Variants in LIMA1 observed in about 807,000 individuals in gnomAD.
LIMA1 encodes the protein LIM domain and actin-binding protein 1.
LIMA1 carries 52 observed loss-of-function variants against 62.6 expected under a neutral mutation model. The observed-to-expected ratio is 0.83, with a 90% confidence interval of 0.67 to 1.05. The LOEUF (loss-of-function observed/expected upper bound fraction) is 1.05, where lower values mean the gene tolerates loss of function less well. Among genes scored for constraint, LIMA1 ranks in the 50% least tolerant of loss-of-function variants. The pLI is 0.00. For missense variants in LIMA1, 780 were observed against 902.2 expected (o/e 0.86, Z 1.74); for synonymous variants, 302 against 317.8 (o/e 0.95, Z 0.53).
chr12:50,232,373 CTTT>C (rs112911088), intron 2 of LIMA1, among the ~76,000 whole-genome samples: 2 of 137,098 alleles, frequency 1.5e-5, no homozygotes, highest in Non-Finnish European at 3.2e-5. Flanking sequence ...TTTCTTTTTT[CTTT>C]TTTTTTTTTT....
chr12:50,223,973 G>A (rs1414648672), intron 3 of LIMA1, among the ~76,000 whole-genome samples: 1 of 152,106 alleles, frequency 6.6e-6, no homozygotes, highest in East Asian at 1.9e-4. Context: ...GGGAGGCGGA[G>A]GTTGCAGTGA....
At chr12:50,195,533 T>C (rs1441367040) in intron 8 of LIMA1, 1 of 261,886 alleles carries the variant, frequency 3.8e-6, no homozygotes, top group Non-Finnish European at 7.1e-6. Context: ...AAAATGAAAC[T>C]TCAAAATTAG....
intron 4 of LIMA1, among the ~76,000 whole-genome samples, chr12:50,207,069 C>G (rs1324698716): frequency 6.6e-6 from 1 of 151,990 alleles, no homozygotes; most frequent in African/African-American, 2.4e-5. Context: ...GGATTACAGG[C>G]GCCTGCCACC....
At position 50,222,274 on chromosome 12, in the gene LIMA1, G is replaced by A. The variant is rs1941456391; in HGVS notation, c.377C>T (p.Pro126Leu). 1 of 1,614,132 alleles carries A rather than the reference G, an allele frequency of 6.2e-7. No homozygotes were observed. The highest frequency in any genetic ancestry group is 1.3e-5 in the African/African-American group (1 of 75,020). Residue 126 changes from proline (P) to leucine (L), a missense_variant, in exon 4 of 11, where the codon CCC becomes CTC. Coordinates refer to ENST00000341247, the MANE Select transcript of LIMA1 (RefSeq NM_016357.5). ...AGGAGGTGACCTGAGTCTAGATCTGGGGTGGATTTGTTCTTCTTGGTCAGC... is the reference window on the plus strand; with the variant it reads ...AGGAGGTGACCTGAGTCTAGATCTGAGGTGGATTTGTTCTTCTTGGTCAGC... ...AKADQEEQIH[P>L]RSRLRSPPEA...
At chr12:50,178,966 A>ATTTTTTTTTTTTTTTTT (rs1555203081) in intron 10 of LIMA1, among the ~76,000 whole-genome samples, 6 of 128,956 alleles carry the variant, frequency 4.7e-5, no homozygotes, top group Non-Finnish European at 7.0e-5. Flanking sequence ...ATATATATAT[A>ATTTTTTTTTTTTTTTTT]TTTTTTTTTT....
intron 1 of LIMA1, among the ~76,000 whole-genome samples, chr12:50,271,210 G>A (rs987116076): frequency 2.0e-5 from 3 of 152,214 alleles, no homozygotes; most frequent in Non-Finnish European, 2.9e-5. Flanking sequence ...GTTTGAGGCT[G>A]CAGTGAGCCG....
intron 2 of LIMA1, among the ~76,000 whole-genome samples, chr12:50,238,497 ACT>A (rs1941728326): frequency 6.7e-6 from 1 of 148,746 alleles, no homozygotes. Context: ...ACAAAGCAAG[ACT>A]CTGTCTCAAA....
chr12:50,282,687 A>T (rs904621785), intron 1 of LIMA1, among the ~76,000 whole-genome samples: 1 of 152,234 alleles, frequency 6.6e-6, no homozygotes, highest in African/African-American at 2.4e-5. Flanking sequence ...TGAAAGCTGG[A>T]ATTAGGTGCA....
At position 50,206,077 on chromosome 12, in the gene LIMA1, C is replaced by T. The variant is rs758078792; in HGVS notation, c.631-9G>A. ...CTTTGGGCCCGGAGAATCTGGAAAA[C>T]GAAACCCAACGATAAGTTTTGCAGA... On this transcript the variant is annotated splice_polypyrimidine_tract_variant and intron_variant, in intron 4 of 10. Coordinates refer to ENST00000341247, the MANE Select transcript of LIMA1 (RefSeq NM_016357.5). 15 of 1,609,466 alleles carry T rather than the reference C, an allele frequency of 9.3e-6. No individual in the cohort carries two copies. Among genetic ancestry groups the T allele is most frequent in the Admixed American group, 5.0e-5 (3 of 59,892 alleles).
At position 50,227,363 on chromosome 12, in the gene LIMA1, C is replaced by T. The variant is rs372804948; in HGVS notation, c.165+4302G>A. Among the ~76,000 whole-genome samples, 6 of 151,600 alleles carry T rather than the reference C, an allele frequency of 4.0e-5. No homozygotes were observed. In the East Asian group the frequency reaches 9.7e-4, roughly 25 times the overall value. On this transcript the variant is annotated intron_variant, in intron 3 of 10. Transcript: ENST00000341247. Reference sequence around the variant, plus strand: ...AAGCAATTCTCCTGCCTCAGTCTCCCGAGTAGCTGGGATTACAGGCGTGAG... The same window carrying T: ...AAGCAATTCTCCTGCCTCAGTCTCCTGAGTAGCTGGGATTACAGGCGTGAG...
At chr12:50,280,519 T>A (rs56220638) in intron 1 of LIMA1, among the ~76,000 whole-genome samples, 1 of 152,190 alleles carries the variant, frequency 6.6e-6, no homozygotes, top group Non-Finnish European at 1.5e-5. Context: ...ATTTTCATGG[T>A]ATCATGTTAA....
chr12:50,233,334 A>G (rs1941640804), intron 2 of LIMA1, among the ~76,000 whole-genome samples: 1 of 149,784 alleles, frequency 6.7e-6, no homozygotes, highest in South Asian at 2.1e-4. Context: ...ACATTTTGAA[A>G]TTAGTTAAGT....
At chr12:50,231,233 C>T (rs1333151200) in intron 3 of LIMA1, among the ~76,000 whole-genome samples, 2 of 152,102 alleles carry the variant, frequency 1.3e-5, no homozygotes, top group Non-Finnish European at 2.9e-5. Context: ...AACTTGCTAA[C>T]TAGATTGGGT....
In LIMA1 at chr12:50,206,121, C is replaced by T. The variant is rs140993188; in HGVS notation, c.631-53G>A. ...TTGCAGAAACAATGGGAAATCTTGA[C>T]GCAAGGTTCAACTTGCAAACCTTCT... On this transcript the variant is annotated intron_variant, in intron 4 of 10. Transcript: ENST00000341247. 54 of 1,431,400 alleles carry T rather than the reference C, an allele frequency of 3.8e-5. No homozygotes were observed. In the Middle Eastern group the frequency reaches 7.1e-4, roughly 19 times the overall value. 88.7% of individuals were successfully genotyped at this position (1,431,400 alleles called of 1,614,324 possible). A position where few individuals can be genotyped will look rare whatever the true frequency, so the allele number is the denominator to read the frequency against.
At chr12:50,226,449 C>T (rs1941528681) in intron 3 of LIMA1, among the ~76,000 whole-genome samples, 1 of 152,128 alleles carries the variant, frequency 6.6e-6, no homozygotes, top group Non-Finnish European at 1.5e-5. Flanking sequence ...GACCACTCTC[C>T]CTGGTAAAAA....
intron 3 of LIMA1, among the ~76,000 whole-genome samples, chr12:50,229,396 C>T (rs1941577029): frequency 6.6e-6 from 1 of 152,092 alleles, no homozygotes; most frequent in African/African-American, 2.4e-5. Flanking sequence ...TTTGCAGGGA[C>T]ATGGATGAAG....
At chr12:50,193,590 T>C (rs1197489495) in intron 8 of LIMA1, among the ~76,000 whole-genome samples, 2 of 111,686 alleles carry the variant, frequency 1.8e-5, no homozygotes, top group African/African-American at 6.9e-5. Flanking sequence ...TACATGTATA[T>C]ATGATATATA....
chr12:50,270,985 G>A (rs111827266), intron 1 of LIMA1, among the ~76,000 whole-genome samples: 7 of 152,216 alleles, frequency 4.6e-5, no homozygotes, highest in East Asian at 1.9e-4. Flanking sequence ...CCAATTACTC[G>A]GGAGGCTGAG....
At chr12:50,270,809 C>G (rs1942200865) in intron 1 of LIMA1, among the ~76,000 whole-genome samples, 1 of 151,846 alleles carries the variant, frequency 6.6e-6, no homozygotes, top group Non-Finnish European at 1.5e-5. Flanking sequence ...CCAGTTACAG[C>G]CTTTGAAAAC....
Sources: allele counts gnomAD v4.1 joint callset (sites outside exome capture counted in the v4.1 genomes callset), GRCh38; gene constraint gnomAD v4.1.1; transcripts MANE v1.5; gene names NCBI Gene and HGNC (gene_info 2026-07-23, HGNC 2026-07-21).